Variants in SLC6A4 observed in about 807,000 individuals in gnomAD.
SLC6A4 encodes sodium-dependent serotonin transporter.
SLC6A4 carries 22 observed loss-of-function variants against 73.4 expected under a neutral mutation model. That is an observed-to-expected ratio of 0.30 (90% CI 0.21 to 0.43). The LOEUF (loss-of-function observed/expected upper bound fraction) is 0.43, where lower values mean the gene tolerates loss of function less well. SLC6A4 is among the 20% of genes least tolerant of loss of function. The pLI is 1.00. For missense variants in SLC6A4, 593 were observed against 808.5 expected (o/e 0.73, Z 3.23); for synonymous variants, 270 against 315.5 (o/e 0.86, Z 1.53).
chr17:30,219,318 A>T (rs1906677199), intron 3 of SLC6A4, among the ~76,000 whole-genome samples: 1 of 152,190 alleles, frequency 6.6e-6, no homozygotes, highest in African/African-American at 2.4e-5. Flanking sequence ...GTAGCCACAC[A>T]TCATAGTCAC....
intron 1 of SLC6A4, among the ~76,000 whole-genome samples, chr17:30,230,067 A>AAGAAGG (rs1907043377): frequency 9.2e-6 from 1 of 108,972 alleles, no homozygotes. Context: ...GAAGAAGAAG[A>AAGAAGG]AGAAGAAGAA....
chr17:30,205,448 TA>T, intron 13 of SLC6A4, among the ~76,000 whole-genome samples: 1 of 152,336 alleles, frequency 6.6e-6, no homozygotes, highest in African/African-American at 2.4e-5. Context: ...GTACTGGTAA[TA>T]ATATAAATTA....
At chr17:30,230,087 GA>G (rs1567824126) in intron 1 of SLC6A4, among the ~76,000 whole-genome samples, 5 of 129,722 alleles carry the variant, frequency 3.9e-5, no homozygotes, top group Non-Finnish European at 6.3e-5. Context: ...AGAAGAAGAA[GA>G]AGAAGAAGAG....
At position 30,194,490 on chromosome 17, in the gene SLC6A4, ACAAT is replaced by A. The variant is rs778488056; in HGVS notation, c.*3962_*3965del. The A allele has an allele frequency of 1.7e-4, 26 of 152,316 alleles. No homozygotes were observed. In the East Asian group the frequency reaches 4.2e-3, roughly 25 times the overall value. The allele number at this position is 152,316 out of a possible 1,614,324, so 9.4% of individuals were successfully genotyped here. On this transcript the variant is annotated 3_prime_UTR_variant, in exon 15 of 15. Transcript: ENST00000650711. ...AATTAATTTTAGATATGTCCAACAC[ACAAT>A]CAAAAGTATTCTGAAAAGTTGTATA...
At chr17:30,222,708 G>C in intron 2 of SLC6A4, 111 bp downstream of exon 2, 1 of 951,044 alleles carries the variant, frequency 1.1e-6, no homozygotes. Flanking sequence ...GGAAGGTTGG[G>C]GCAGATTTGA....
In SLC6A4 at chr17:30,221,624, T is replaced by C. The variant is rs758865066; in HGVS notation, c.335A>G (p.Asn112Ser). 5 of 1,613,390 alleles carry C rather than the reference T, an allele frequency of 3.1e-6. No homozygotes were observed. Among genetic ancestry groups the C allele is most frequent in the Non-Finnish European group, 4.2e-6 (5 of 1,179,568 alleles). ...VWRFPYICYQ[N>S]GGGAFLLPYT... ...CAGCCTGTGATACTGACCCCCTCCATTCTGGTAACATATGTAGGGGAAGCG... is the reference window on the plus strand; with the variant it reads ...CAGCCTGTGATACTGACCCCCTCCACTCTGGTAACATATGTAGGGGAAGCG... The change falls in exon 3 of 15, where the codon AAT (asparagine) becomes AGT (serine). Residue 112 changes from asparagine to serine, a missense_variant. Physicochemically the swap from Asn to Ser is conservative, Grantham distance 46. Coordinates refer to ENST00000650711, the MANE Select transcript of SLC6A4 (RefSeq NM_001045.6).
intron 1 of SLC6A4, among the ~76,000 whole-genome samples, chr17:30,230,642 G>GA (rs1246892713): frequency 6.6e-6 from 1 of 152,094 alleles, no homozygotes; most frequent in Non-Finnish European, 1.5e-5. Flanking sequence ...AAGGGGGTTT[G>GA]AAGTGGAACT....
chr17:30,219,689 T>G (rs1029185579), intron 3 of SLC6A4, among the ~76,000 whole-genome samples: 1 of 152,226 alleles, frequency 6.6e-6, no homozygotes, highest in Non-Finnish European at 1.5e-5. Flanking sequence ...CTGGAGATGC[T>G]GGTGTCTCCT....
In SLC6A4 at chr17:30,198,299, C is replaced by T. The variant is rs1597630315; in HGVS notation, c.*157G>A. 1 of 543,342 alleles carries T rather than the reference C, an allele frequency of 1.8e-6. No homozygotes were observed. Among genetic ancestry groups the T allele is most frequent in the African/African-American group, 1.9e-5 (1 of 51,672 alleles). The allele number at this position is 543,342 out of a possible 1,614,324, so 33.7% of individuals were successfully genotyped here. On this transcript the variant is annotated 3_prime_UTR_variant, in exon 15 of 15. Transcript: ENST00000650711. ...TCCATGGAAATAAGTGGCTGGAGGC[C>T]TTGAGTCTGGGCACCAGACTGTGTC...
intron 14 of SLC6A4, among the ~76,000 whole-genome samples, chr17:30,200,294 G>A (rs1255485816): frequency 6.6e-6 from 1 of 152,230 alleles, no homozygotes; most frequent in Non-Finnish European, 1.5e-5. Context: ...CCAGGCTACC[G>A]TTGTGCTGGA....
intron 12 of SLC6A4, 57 bp downstream of exon 12, chr17:30,209,086 C>A: frequency 8.2e-7 from 1 of 1,222,092 alleles, no homozygotes; most frequent in Non-Finnish European, 1.2e-6. Context: ...CAGCCCTTTG[C>A]TACTGTGCTG....
intron 8 of SLC6A4, among the ~76,000 whole-genome samples, chr17:30,214,196 G>A (rs1307460099): frequency 6.6e-6 from 1 of 152,086 alleles, no homozygotes; most frequent in African/African-American, 2.4e-5. Flanking sequence ...GCTGAGGCAG[G>A]TGGATCACCT....
intron 3 of SLC6A4, among the ~76,000 whole-genome samples, chr17:30,220,973 T>G (rs888193622): frequency 7.5e-6 from 1 of 132,506 alleles, no homozygotes; most frequent in Non-Finnish European, 1.6e-5. Flanking sequence ...AGATTTGACT[T>G]TTTTTTTTTT....
chr17:30,214,011 G>A (rs952816922), intron 8 of SLC6A4, among the ~76,000 whole-genome samples: 3 of 151,968 alleles, frequency 2.0e-5, no homozygotes, highest in African/African-American at 7.2e-5. Context: ...CCTCCCAAAG[G>A]GCTAAGATTA....
At chr17:30,200,981 C>G (rs530797806) in intron 14 of SLC6A4, among the ~76,000 whole-genome samples, 30 of 152,080 alleles carry the variant, frequency 2.0e-4, no homozygotes, top group Non-Finnish European at 3.8e-4. Flanking sequence ...GGGGGTTTCA[C>G]CATGTTGGCT....
intron 14 of SLC6A4, among the ~76,000 whole-genome samples, chr17:30,202,338 T>C (rs1906065011): frequency 6.6e-6 from 1 of 152,218 alleles, no homozygotes; most frequent in Non-Finnish European, 1.5e-5. Context: ...TTGGCCAGGC[T>C]GGTCTTGAAC....
intron 1 of SLC6A4, among the ~76,000 whole-genome samples, chr17:30,230,143 GGAGGAGGAA>G (rs1567824273): frequency 8.0e-5 from 12 of 150,306 alleles, no homozygotes; most frequent in African/African-American, 2.7e-4. Context: ...AGGAGGAGGA[GGAGGAGGAA>G]GAGGAAGAGG....
chr17:30,207,836 G>C lies in SLC6A4; in HGVS notation c.1550-4C>G. On this transcript the variant is annotated splice_polypyrimidine_tract_variant and splice_region_variant and intron_variant, in intron 12 of 14. Transcript: ENST00000650711. The stretch of plus-strand genomic sequence containing the variant: ...TCCCTGCAGAACTGAGTGATGCCTG[G>C]AACCGCCCAAGGGGAAGAGAGGCAG... 2 of 1,611,540 alleles carry C rather than the reference G, an allele frequency of 1.2e-6. No individual in the cohort carries two copies. The highest frequency in any genetic ancestry group is 2.7e-5 in the African/African-American group (2 of 74,928).
chr17:30,219,019 G>T lies in SLC6A4; in HGVS notation c.344-88C>A. 3.3e-6 allele frequency: 5 copies of T among 1,537,664 alleles called. No homozygotes were observed. The South Asian group carries it at 4.5e-5, about 14-fold the overall frequency. ...TCTGTGACTGAGAATCACAGTCGCC[G>T]GATGATGTGAGTGTCAGGAGCCACC... On this transcript the variant is annotated intron_variant, in intron 3 of 14. Transcript: ENST00000650711.
Sources: gnomAD v4.1 joint callset for allele counts (sites outside exome capture counted in the v4.1 genomes callset) on GRCh38, gnomAD v4.1.1 for gene constraint, MANE v1.5 for transcripts, NCBI Gene and HGNC (gene_info 2026-07-23, HGNC 2026-07-21) for gene names.